Variants in MAL observed in about 807,000 individuals in gnomAD.
MAL encodes myelin and lymphocyte protein.
MAL carries 5 observed loss-of-function variants against 16.7 expected under a neutral mutation model. The observed-to-expected ratio is 0.30, with a 90% CI of 0.16 to 0.63. MAL has a LOEUF of 0.63. Ranked by LOEUF, MAL falls within the 30% of genes least tolerant of loss-of-function variation. MAL has a pLI of 0.82. For missense variants in MAL, 202 were observed against 195.8 expected (o/e 1.03, Z -0.19); for synonymous variants, 96 against 85.5 (o/e 1.12, Z -0.67).
chr2:95,053,679 C>T lies in MAL; in HGVS notation c.*224C>T. 1 of 565,030 alleles carries T rather than the reference C, an allele frequency of 1.8e-6. No individual in the cohort carries two copies. Among genetic ancestry groups the T allele is most frequent in the Non-Finnish European group, 3.2e-6 (1 of 317,118 alleles). The allele number at this position is 565,030 out of a possible 1,614,324, so 35.0% of individuals were successfully genotyped here. A position where few individuals can be genotyped will look rare whatever the true frequency, so the allele number is the denominator to read the frequency against. ...GTTGGGAGCTTGCTGTGTCTAACCT[C>T]CAACTGCTGTGCTGTCTGCTAGGGT... On this transcript the variant is annotated 3_prime_UTR_variant, in exon 4 of 4. Transcript: ENST00000309988.
intron 1 of MAL, among the ~76,000 whole-genome samples, chr2:95,041,995 G>T (rs1056658566): frequency 6.6e-6 from 1 of 152,088 alleles, no homozygotes; most frequent in Admixed American, 6.5e-5. Context: ...GGTTGGGAGG[G>T]GCCTCCAAAC....
intron 1 of MAL, among the ~76,000 whole-genome samples, chr2:95,038,338 G>T (rs190678750): frequency 2.2e-3 from 329 of 151,760 alleles, no homozygotes; most frequent in African/African-American, 7.7e-3. Flanking sequence ...GTGACTGAGT[G>T]AGTGAGTAAC....
rs1427695788 is a variant in MAL, at chr2:95,038,253, TGACTGAGTGAGTGAGA to T, written c.94-9695_94-9680del. 3.3e-4 allele frequency among the ~76,000 whole-genome samples: 50 copies of T among 149,942 alleles called. 1 individual carries two copies. Among genetic ancestry groups the T allele is most frequent in the Non-Finnish European group, 5.9e-4 (40 of 67,592 alleles). On this transcript the variant is annotated intron_variant, in intron 1 of 3. Transcript: ENST00000309988. The stretch of plus-strand genomic sequence containing the variant: ...CTGAGTGACTGAGTGTGTGAGTGAC[TGACTGAGTGAGTGAGA>T]GACTGAGTGACCGAGTGGGTGAGTG...
chr2:95,047,832 C>T, intron 1 of MAL, 127 bp from the exon 2 acceptor site: 1 of 870,980 alleles, frequency 1.1e-6, no homozygotes, highest in Non-Finnish European at 1.7e-6. Context: ...AAAATGCCTG[C>T]CCTGTTCTCT....
At chr2:95,049,547 T>C in intron 2 of MAL, 34 bp from the exon 3 acceptor site, 1 of 1,612,634 alleles carries the variant, frequency 6.2e-7, no homozygotes, top group Non-Finnish European at 8.5e-7. Context: ...CGTCTCTCTC[T>C]CCCCATCCCT....
chr2:95,046,224 G>T (rs1257053365), intron 1 of MAL, among the ~76,000 whole-genome samples: 2 of 152,198 alleles, frequency 1.3e-5, no homozygotes, highest in African/African-American at 4.8e-5. Flanking sequence ...GGTGCTATGT[G>T]AATTCAAACC....
At chr2:95,037,143 G>GAGTC in intron 1 of MAL, among the ~76,000 whole-genome samples, 1 of 151,442 alleles carries the variant, frequency 6.6e-6, no homozygotes, top group Non-Finnish European at 1.5e-5. Context: ...GTGAGTGACT[G>GAGTC]AGTGAGTAAC....
intron 3 of MAL, among the ~76,000 whole-genome samples, chr2:95,052,581 G>T (rs1674743449): frequency 6.6e-6 from 1 of 152,226 alleles, no homozygotes; most frequent in African/African-American, 2.4e-5. Flanking sequence ...TGGACGTCGT[G>T]CCTGAGCTGG....
chr2:95,035,336 C>G (rs1674178820), intron 1 of MAL, among the ~76,000 whole-genome samples: 1 of 152,212 alleles, frequency 6.6e-6, no homozygotes, highest in South Asian at 2.1e-4. Flanking sequence ...CACAGAACCT[C>G]TTGGTTTCTG....
At chr2:95,048,430 C>G (rs1243705185) in intron 2 of MAL, among the ~76,000 whole-genome samples, 2 of 152,154 alleles carry the variant, frequency 1.3e-5, no homozygotes, top group African/African-American at 4.8e-5. Context: ...GCCTGCCTGC[C>G]CCTCCCATCA....
At chr2:95,032,595 A>G (rs1400861733) in intron 1 of MAL, among the ~76,000 whole-genome samples, 3 of 152,176 alleles carry the variant, frequency 2.0e-5, no homozygotes, top group Non-Finnish European at 4.4e-5. Flanking sequence ...TTGTCCTTGA[A>G]GCAGGAACGT....
chr2:95,027,250 A>C (rs1167788168), intron 1 of MAL, among the ~76,000 whole-genome samples: 3 of 152,106 alleles, frequency 2.0e-5, no homozygotes, highest in Non-Finnish European at 4.4e-5. Context: ...GATCTGCGGG[A>C]AAGGTGACCG....
chr2:95,032,743 TACCC>T (rs1166195857), intron 1 of MAL, among the ~76,000 whole-genome samples: 3 of 152,166 alleles, frequency 2.0e-5, no homozygotes, highest in Non-Finnish European at 4.4e-5. Flanking sequence ...AAAGGTTTGA[TACCC>T]AGTGAGCTCC....
At chr2:95,042,127 AGAGAG>A (rs1247553533) in intron 1 of MAL, among the ~76,000 whole-genome samples, 5 of 152,274 alleles carry the variant, frequency 3.3e-5, no homozygotes, top group African/African-American at 1.2e-4. Flanking sequence ...CTCGAGGAGA[AGAGAG>A]GAGAGGAGGG....
chr2:95,041,775 A>G (rs1023697848), intron 1 of MAL, among the ~76,000 whole-genome samples: 4 of 152,156 alleles, frequency 2.6e-5, no homozygotes, highest in African/African-American at 9.7e-5. Flanking sequence ...AGCTTCTCCA[A>G]GTTCACACAA....
intron 1 of MAL, among the ~76,000 whole-genome samples, chr2:95,030,697 G>A (rs1302455937): frequency 2.6e-5 from 4 of 152,244 alleles, no homozygotes; most frequent in Admixed American, 2.0e-4. Flanking sequence ...GAGGGTGTGA[G>A]GAATGCCGCC....
chr2:95,042,694 G>C (rs1674497774), intron 1 of MAL, among the ~76,000 whole-genome samples: 1 of 152,194 alleles, frequency 6.6e-6, no homozygotes, highest in Admixed American at 6.5e-5. Context: ...TGCCTCCAGG[G>C]TGCCAATAAT....
At chr2:95,049,115 G>A (rs773076286) in intron 2 of MAL, among the ~76,000 whole-genome samples, 4 of 152,166 alleles carry the variant, frequency 2.6e-5, no homozygotes, top group Admixed American at 2.0e-4. Context: ...ACCACGCCCA[G>A]CCCTTTTTTG....
intron 1 of MAL, among the ~76,000 whole-genome samples, chr2:95,037,469 T>G (rs1184500797): frequency 6.7e-6 from 1 of 148,872 alleles, no homozygotes; most frequent in Non-Finnish European, 1.5e-5. Context: ...AGTGACTAAC[T>G]GAGTGACTGA....
Sources: allele counts gnomAD v4.1 joint callset (sites outside exome capture counted in the v4.1 genomes callset), GRCh38; gene constraint gnomAD v4.1.1; transcripts MANE v1.5; gene names NCBI Gene and HGNC (gene_info 2026-07-23, HGNC 2026-07-21).